The following DDX60L variants were observed in gnomAD, a reference collection of about 807,000 sequenced individuals.
DDX60L encodes DExD/H-box 60 like, also known as probable ATP-dependent RNA helicase DDX60-like.
In DDX60L, 191 loss-of-function variants were observed where a neutral mutation model predicts 211.6. The ratio of observed to expected loss-of-function variants is 0.90; its 90% CI spans 0.80 to 1.02. The LOEUF (loss-of-function observed/expected upper bound fraction) is 1.02. Among genes scored for constraint, DDX60L ranks in the 50% least tolerant of loss-of-function variants. DDX60L has a pLI of 0.00. For missense variants in DDX60L, 2,007 were observed against 1,984.1 expected, an observed-to-expected ratio of 1.01 and a Z score of -0.22; for synonymous variants, 706 against 694.1, an observed-to-expected ratio of 1.02 and a Z score of -0.27.
chr4:168,382,750 C>T (rs897153484), intron 30 of DDX60L, among the ~76,000 whole-genome samples: 2 of 152,036 alleles, frequency 1.3e-5, no homozygotes, highest in African/African-American at 4.8e-5. Context: ...TCAGTTTTCA[C>T]TCATACTTGA....
chr4:168,433,229 G>T, intron 10 of DDX60L, 114 bp from the exon 11 acceptor site: 1 of 694,602 alleles, frequency 1.4e-6, no homozygotes, highest in Non-Finnish European at 2.3e-6. Flanking sequence ...TTTTACTAAT[G>T]TTTACCAAGT....
At chr4:168,409,093 A>T (rs1748238594) in intron 22 of DDX60L, among the ~76,000 whole-genome samples, 1 of 152,242 alleles carries the variant, frequency 6.6e-6, no homozygotes, top group Non-Finnish European at 1.5e-5. Context: ...GAAAGGTCTT[A>T]TATAAATGCA....
intron 35 of DDX60L, 103 bp from the exon 36 acceptor site, chr4:168,371,866 T>C (rs1741091974): frequency 9.0e-7 from 1 of 1,114,404 alleles, no homozygotes; most frequent in Admixed American, 2.5e-5. Context: ...AAGTACGTTC[T>C]GAAGAAGTTG....
intron 17 of DDX60L, among the ~76,000 whole-genome samples, chr4:168,420,864 C>A (rs1430953793): frequency 1.3e-5 from 2 of 152,150 alleles, no homozygotes; most frequent in African/African-American, 4.8e-5. Flanking sequence ...TAAGCCCCTG[C>A]AACTTGCTGC....
intron 8 of DDX60L, 38 bp downstream of exon 8, chr4:168,453,086 T>A: frequency 6.4e-7 from 1 of 1,552,556 alleles, no homozygotes; most frequent in Non-Finnish European, 8.7e-7. Flanking sequence ...GGTTTTCATC[T>A]CTCATGTTCA....
chr4:168,379,534 A>C (rs970442811), intron 31 of DDX60L, 30 bp from the exon 32 acceptor site: 1 of 1,491,276 alleles, frequency 6.7e-7, no homozygotes. Context: ...AGTTGATTTA[A>C]CTTGTCATGT....
chr4:168,373,705 G>A lies in DDX60L; in HGVS notation c.4737C>T (p.Asn1579=), dbSNP rs1346393529. 1.2e-6 allele frequency: 2 copies of A among 1,613,726 alleles called. No individual in the cohort carries two copies. The highest frequency in any genetic ancestry group is 1.3e-5 in the African/African-American group (1 of 74,910). ...CTGGTCGAAGCAAATCATTATCTGTGTTCCCCGAAAGACAAACAAATGGTG... is the reference window on the plus strand; with the variant it reads ...CTGGTCGAAGCAAATCATTATCTGTATTCCCCGAAAGACAAACAAATGGTG... ...AISPFVCLSG[N]TDNDLLRPET... Residue 1579 remains asparagine, a synonymous_variant, in exon 35 of 38, where the codon AAC becomes AAT. Coordinates refer to ENST00000682922, the MANE Select transcript of DDX60L (RefSeq NM_001012967.3).
intron 36 of DDX60L, among the ~76,000 whole-genome samples, chr4:168,369,712 A>C (rs79183897): frequency 6.6e-6 from 1 of 152,148 alleles, no homozygotes; most frequent in South Asian, 2.1e-4. Flanking sequence ...TCCAGAATAC[A>C]TAAGAAACAT....
chr4:168,406,677 A>C lies in DDX60L; in HGVS notation c.3009T>G (p.Leu1003=). Residue 1003 remains leucine, a synonymous_variant, in exon 23 of 38, where the codon CTT becomes CTG. Transcript: ENST00000682922. ...IIEKYGFPPD[L]TLTPQESIQL... ...GGATGCTTTCTTGAGGGGTGAGGGTAAGATCAGGTGGGAATCCATACTTTT... is the reference window on the plus strand; with the variant it reads ...GGATGCTTTCTTGAGGGGTGAGGGTCAGATCAGGTGGGAATCCATACTTTT... The C allele has an allele frequency of 6.2e-7, 1 of 1,605,554 alleles. No individual in the cohort carries two copies. The highest frequency in any genetic ancestry group is 8.5e-7 in the Non-Finnish European group (1 of 1,176,390).
At chr4:168,391,390 A>G in intron 29 of DDX60L, 150 bp downstream of exon 29, 1 of 598,822 alleles carries the variant, frequency 1.7e-6, no homozygotes. Flanking sequence ...AAGCAACAAG[A>G]TATGAGGCCA....
At position 168,403,248 on chromosome 4, in the gene DDX60L, C is replaced by T. The variant is rs570553292; in HGVS notation, c.3338+734G>A. 8.5e-5 allele frequency among the ~76,000 whole-genome samples: 13 copies of T among 152,318 alleles called. No homozygotes were observed. In the South Asian group the frequency reaches 1.2e-3, roughly 15 times the overall value. ...GGTTACTGACCACCAGCACGGACTT[C>T]GGATGCGTAACAGAACACATGTGGC... On this transcript the variant is annotated intron_variant, in intron 25 of 37. Coordinates refer to ENST00000682922, the MANE Select transcript of DDX60L (RefSeq NM_001012967.3).
At chr4:168,367,452 ATGGAACT>A (rs1553986421) in intron 36 of DDX60L, among the ~76,000 whole-genome samples, 2 of 152,186 alleles carry the variant, frequency 1.3e-5, no homozygotes, top group Non-Finnish European at 2.9e-5. Context: ...CCACAGCCCT[ATGGAACT>A]CTAAGTCCAA....
At chr4:168,381,081 T>C (rs995757052) in intron 30 of DDX60L, among the ~76,000 whole-genome samples, 1 of 152,168 alleles carries the variant, frequency 6.6e-6, no homozygotes, top group Non-Finnish European at 1.5e-5. Context: ...TATGCGCATA[T>C]GTGTTAGCAA....
At position 168,378,438 on chromosome 4, in the gene DDX60L, G is replaced by A. The variant is rs745991919; in HGVS notation, c.4401C>T (p.Leu1467=). The A allele has an allele frequency of 2.0e-5, 31 of 1,575,418 alleles. 1 individual carries two copies. Among genetic ancestry groups the A allele is most frequent in the Middle Eastern group, 1.7e-4 (1 of 6,000 alleles). ...QQFSQDVMEK[L]VLVLANLFGR... Reference sequence around the variant, plus strand: ...CAAACAAATTTGCCAATACTAACACGAGCTTTTCCATCACATCTTGGGAAA... The same window carrying A: ...CAAACAAATTTGCCAATACTAACACAAGCTTTTCCATCACATCTTGGGAAA... The change falls in exon 33 of 38, where the codon CTC becomes CTT. Residue 1467 remains leucine (L), a synonymous_variant. Transcript: ENST00000682922.
chr4:168,364,976 G>A (rs1739716382), intron 36 of DDX60L, among the ~76,000 whole-genome samples: 2 of 151,878 alleles, frequency 1.3e-5, no homozygotes, highest in Non-Finnish European at 2.9e-5. Context: ...TATTTCTTAA[G>A]ACAAATGAGA....
chr4:168,387,252 C>A (rs1238574967), intron 29 of DDX60L, among the ~76,000 whole-genome samples: 1 of 152,172 alleles, frequency 6.6e-6, no homozygotes, highest in Non-Finnish European at 1.5e-5. Context: ...CAAGCCAAAC[C>A]AGCTGCTGTT....
chr4:168,373,592 C>T, intron 35 of DDX60L, 74 bp downstream of exon 35: 2 of 1,477,548 alleles, frequency 1.4e-6, no homozygotes, highest in Admixed American at 3.7e-5. Flanking sequence ...GAGGTCCTAT[C>T]AAGGCTTCAC....
At chr4:168,420,454 CCATACACATACACACACACACA>C in intron 17 of DDX60L, 74 bp from the exon 18 acceptor site, 2 of 744,198 alleles carry the variant, frequency 2.7e-6, no homozygotes, top group Admixed American at 4.9e-5. Context: ...ACAACCGAAT[CCATACACATACACACACACACA>C]CACACACACA....
intron 28 of DDX60L, among the ~76,000 whole-genome samples, chr4:168,393,432 G>A (rs1336680950): frequency 6.6e-6 from 1 of 152,020 alleles, no homozygotes; most frequent in Non-Finnish European, 1.5e-5. Flanking sequence ...GGAGGCGGAG[G>A]TTGCAGTGAG....
Sources: gnomAD v4.1 joint callset for allele counts (sites outside exome capture counted in the v4.1 genomes callset) on GRCh38, gnomAD v4.1.1 for gene constraint, MANE v1.5 for transcripts, NCBI Gene and HGNC (gene_info 2026-07-23, HGNC 2026-07-21) for gene names.